Variants in SYT9 observed in about 807,000 individuals in gnomAD.
SYT9 encodes synaptotagmin-9.
Under a neutral mutation model 48.4 loss-of-function variants are expected in SYT9, and 22 were observed. The observed-to-expected ratio is 0.45, with a 90% confidence interval of 0.32 to 0.65. SYT9 has a LOEUF of 0.65. Among genes scored for constraint, SYT9 ranks in the 30% least tolerant of loss-of-function variants. The probability of loss-of-function intolerance (pLI) is 0.03; values close to 1 mark genes in which losing one functional copy is unlikely to be tolerated. For missense variants in SYT9, 577 were observed against 622.0 expected, an observed-to-expected ratio of 0.93 and a Z score of 0.77; for synonymous variants, 265 against 245.0, an observed-to-expected ratio of 1.08 and a Z score of -0.76.
chr11:7,363,525 C>T (rs1212091253), intron 3 of SYT9, among the ~76,000 whole-genome samples: 2 of 152,216 alleles, frequency 1.3e-5, no homozygotes, highest in Non-Finnish European at 2.9e-5. Flanking sequence ...GATAAATGGG[C>T]TTGAAACTTA....
upstream of SYT9, among the ~76,000 whole-genome samples, chr11:7,250,496 C>T (rs1313437839): frequency 3.1e-5 from 4 of 128,946 alleles, no homozygotes; most frequent in Non-Finnish European, 4.7e-5. Flanking sequence ...CTTCTCTGTT[C>T]ATGGCCTTTT....
intron 3 of SYT9, among the ~76,000 whole-genome samples, chr11:7,363,480 C>T (rs1164858889): frequency 1.3e-5 from 2 of 152,150 alleles, no homozygotes; most frequent in Non-Finnish European, 2.9e-5. Context: ...GGTGTCTGTA[C>T]ACTATCCAAG....
chr11:7,377,110 C>G (rs1481456860), intron 3 of SYT9, among the ~76,000 whole-genome samples: 1 of 149,956 alleles, frequency 6.7e-6, no homozygotes, highest in East Asian at 2.0e-4. Context: ...GTCAACTGTC[C>G]CTGATCAACC....
rs2133953227 is a variant in SYT9 at position 7,313,701 on chromosome 11, G to T, written c.804G>T (p.Arg268=). The part of the protein sequence containing the change: ...PYVKIYLLPD[R]KTKHQTKVHR... ...TCAAGATCTATTTGCTTCCTGATCGGAAAACAAAACACCAGACTAAAGTTC... is the reference window on the plus strand; with the variant it reads ...TCAAGATCTATTTGCTTCCTGATCGTAAAACAAAACACCAGACTAAAGTTC... Residue 268 remains arginine (R), a synonymous_variant, in exon 3 of 7, where the codon CGG becomes CGT. Coordinates refer to ENST00000318881, the MANE Select transcript of SYT9 (RefSeq NM_175733.4). 6.2e-7 allele frequency: 1 copy of T among 1,614,160 alleles called. No individual in the cohort carries two copies. Among genetic ancestry groups the T allele is most frequent in the East Asian group, 2.2e-5 (1 of 44,882 alleles).
intron 3 of SYT9, among the ~76,000 whole-genome samples, chr11:7,378,664 G>T (rs67802776): frequency 0.027 from 4,049 of 151,840 alleles, 123 homozygotes; most frequent in African/African-American, 0.073. Context: ...GAGTATCCAT[G>T]GAGCAAGTCT....
intron 3 of SYT9, among the ~76,000 whole-genome samples, chr11:7,356,548 C>G (rs1850025826): frequency 6.6e-6 from 1 of 152,176 alleles, no homozygotes; most frequent in Non-Finnish European, 1.5e-5. Flanking sequence ...CTGCACATTA[C>G]TTTTCTGTAC....
At chr11:7,361,392 A>G (rs1850134427) in intron 3 of SYT9, among the ~76,000 whole-genome samples, 1 of 152,170 alleles carries the variant, frequency 6.6e-6, no homozygotes, top group African/African-American at 2.4e-5. Context: ...GTCGTAGAAC[A>G]TTGTCTGAAG....
At chr11:7,445,751 G>C (rs1218390674) in intron 6 of SYT9, among the ~76,000 whole-genome samples, 1 of 152,190 alleles carries the variant, frequency 6.6e-6, no homozygotes, top group East Asian at 1.9e-4. Context: ...TTCAGCCAGG[G>C]AGGCAATTTT....
At chr11:7,444,536 A>G (rs1847894582) in intron 6 of SYT9, 1 of 152,188 alleles carries the variant, frequency 6.6e-6, no homozygotes, top group East Asian at 1.9e-4. Flanking sequence ...CAATTAAATC[A>G]TTACCATCTA....
intron 6 of SYT9, among the ~76,000 whole-genome samples, chr11:7,464,052 G>A (rs1164814628): frequency 1.3e-5 from 2 of 152,190 alleles, no homozygotes; most frequent in Non-Finnish European, 2.9e-5. Flanking sequence ...AGGTACAGAG[G>A]TGGTCCCTAA....
chr11:7,266,239 A>G (rs1848179434), intron 1 of SYT9, among the ~76,000 whole-genome samples: 1 of 152,206 alleles, frequency 6.6e-6, no homozygotes. Context: ...TTTAGATTTA[A>G]TATAACTGTA....
chr11:7,266,733 C>T (rs1159330581), intron 1 of SYT9, among the ~76,000 whole-genome samples: 1 of 151,970 alleles, frequency 6.6e-6, no homozygotes, highest in Non-Finnish European at 1.5e-5. Context: ...ACTTCATATG[C>T]CTTTGTTGTA....
chr11:7,426,969 CTTGAG>C (rs1847470776), intron 6 of SYT9, among the ~76,000 whole-genome samples: 2 of 152,064 alleles, frequency 1.3e-5, no homozygotes, highest in Admixed American at 1.3e-4. Flanking sequence ...GATCATTTAC[CTTGAG>C]TTATCAGCCC....
At chr11:7,255,453 A>G (rs1017580820) in intron 1 of SYT9, among the ~76,000 whole-genome samples, 1 of 152,212 alleles carries the variant, frequency 6.6e-6, no homozygotes, top group Non-Finnish European at 1.5e-5. Flanking sequence ...AGAAGTGACA[A>G]CACTTTGACT....
intron 1 of SYT9, among the ~76,000 whole-genome samples, chr11:7,276,355 T>C (rs546240041): frequency 8.5e-5 from 13 of 152,338 alleles, no homozygotes; most frequent in African/African-American, 3.1e-4. Flanking sequence ...CCTCAGTTTT[T>C]AACCACCCAA....
chr11:7,337,731 A>G (rs1166362630), intron 3 of SYT9, among the ~76,000 whole-genome samples: 1 of 152,082 alleles, frequency 6.6e-6, no homozygotes, highest in Non-Finnish European at 1.5e-5. Context: ...ATTGTGGTGG[A>G]TTAACTTTTT....
intron 3 of SYT9, among the ~76,000 whole-genome samples, chr11:7,369,777 C>CCA (rs141883559): frequency 8.9e-4 from 110 of 124,056 alleles, no homozygotes; most frequent in African/African-American, 2.9e-3. Flanking sequence ...TACATACACA[C>CCA]CACACACACA....
intron 1 of SYT9, among the ~76,000 whole-genome samples, chr11:7,298,537 G>C (rs575809247): frequency 6.6e-6 from 1 of 151,792 alleles, no homozygotes; most frequent in Non-Finnish European, 1.5e-5. Context: ...GTCTGTTTAT[G>C]TGTTCTTCCT....
At chr11:7,318,569 T>G (rs1849281973) in intron 3 of SYT9, among the ~76,000 whole-genome samples, 1 of 152,192 alleles carries the variant, frequency 6.6e-6, no homozygotes, top group African/African-American at 2.4e-5. Flanking sequence ...CGGCCTTGGC[T>G]TCCCAAAGTG....
Sources: gnomAD v4.1 joint callset for allele counts (sites outside exome capture counted in the v4.1 genomes callset) on GRCh38, gnomAD v4.1.1 for gene constraint, MANE v1.5 for transcripts, NCBI Gene and HGNC (gene_info 2026-07-23, HGNC 2026-07-21) for gene names.